The following RNF216 variants were observed in gnomAD, a reference collection of about 807,000 sequenced individuals.
The protein encoded by RNF216 is E3 ubiquitin-protein ligase RNF216.
RNF216 carries 72 observed loss-of-function variants against 110.8 expected under a neutral mutation model. That is an observed-to-expected ratio of 0.65 (90% CI 0.54 to 0.79). The LOEUF (loss-of-function observed/expected upper bound fraction) is 0.79, where lower values mean the gene tolerates loss of function less well. Ranked by LOEUF, RNF216 falls within the 30% of genes least tolerant of loss-of-function variation. RNF216 has a pLI of 0.00. For synonymous variants in RNF216, 495 were observed against 407.5 expected (o/e 1.21, Z -2.59); for missense variants, 1,342 against 1,141.2 (o/e 1.18, Z -2.54).
intron 13 of RNF216, among the ~76,000 whole-genome samples, chr7:5,691,600 C>T (rs955899109): frequency 1.3e-5 from 2 of 152,114 alleles, no homozygotes; most frequent in Admixed American, 1.3e-4. Flanking sequence ...CTTTAAAATG[C>T]CCAGCTTCTC....
At chr7:5,739,648 C>T (rs1386168373) in intron 4 of RNF216, 2 of 505,018 alleles carry the variant, frequency 4.0e-6, no homozygotes, top group Admixed American at 4.5e-5. Flanking sequence ...AATCCAAACA[C>T]AAATAAGTTA....
At chr7:5,648,849 A>G (rs1470067581) in intron 14 of RNF216, among the ~76,000 whole-genome samples, 2 of 152,340 alleles carry the variant, frequency 1.3e-5, no homozygotes, top group East Asian at 3.9e-4. Context: ...AAATGCAATG[A>G]ATCTCATTTG....
chr7:5,776,282 T>C (rs758302192), intron 1 of RNF216, among the ~76,000 whole-genome samples: 1 of 151,892 alleles, frequency 6.6e-6, no homozygotes, highest in Non-Finnish European at 1.5e-5. Context: ...ATAAAGTCAC[T>C]AGTGTAATAA....
chr7:5,709,877 C>A (rs941501075), intron 13 of RNF216, among the ~76,000 whole-genome samples: 6 of 152,202 alleles, frequency 3.9e-5, no homozygotes, highest in African/African-American at 1.4e-4. Context: ...GCCTCAGTCT[C>A]TTAAGTAGCT....
intron 3 of RNF216, among the ~76,000 whole-genome samples, chr7:5,746,286 C>A (rs1795024957): frequency 6.6e-6 from 1 of 152,258 alleles, no homozygotes; most frequent in South Asian, 2.1e-4. Flanking sequence ...TATGGCAGGG[C>A]ACAGGACTTT....
intron 8 of RNF216, among the ~76,000 whole-genome samples, chr7:5,723,444 G>A (rs1235982905): frequency 4.0e-5 from 6 of 151,856 alleles, no homozygotes; most frequent in African/African-American, 1.5e-4. Context: ...TCAGGAGATC[G>A]AGACCATCCT....
chr7:5,751,024 T>G (rs1169905479), intron 3 of RNF216, among the ~76,000 whole-genome samples: 2 of 152,252 alleles, frequency 1.3e-5, no homozygotes, highest in African/African-American at 4.8e-5. Context: ...TTGGTTTTAG[T>G]TGGGGCCCTA....
chr7:5,774,407 C>A (rs1363590461), intron 1 of RNF216, among the ~76,000 whole-genome samples: 5 of 152,004 alleles, frequency 3.3e-5, no homozygotes, highest in Admixed American at 2.6e-4. Flanking sequence ...CCATTGCACT[C>A]CAGCATAGGC....
At chr7:5,734,014 T>C (rs1794244808) in intron 5 of RNF216, among the ~76,000 whole-genome samples, 3 of 152,158 alleles carry the variant, frequency 2.0e-5, no homozygotes, top group African/African-American at 4.8e-5. Flanking sequence ...GTTATTATCA[T>C]GCCACTTAGA....
intron 5 of RNF216, among the ~76,000 whole-genome samples, chr7:5,735,438 G>T (rs1174190811): frequency 1.3e-5 from 2 of 151,884 alleles, no homozygotes; most frequent in South Asian, 4.1e-4. Context: ...ATTGGTTAAA[G>T]AAATTAAAAA....
intron 13 of RNF216, among the ~76,000 whole-genome samples, chr7:5,709,043 G>A (rs1792488025): frequency 6.6e-6 from 1 of 152,106 alleles, no homozygotes; most frequent in South Asian, 2.1e-4. Flanking sequence ...AGACAGGAAC[G>A]AGAGTCTTGG....
chr7:5,712,885 AAG>A, intron 11 of RNF216, 22 bp from the exon 12 acceptor site: 1 of 1,592,054 alleles, frequency 6.3e-7, no homozygotes, highest in South Asian at 1.1e-5. Context: ...CGAAAAGGCA[AAG>A]AAAAAAAAAT....
intron 3 of RNF216, among the ~76,000 whole-genome samples, chr7:5,743,092 C>T (rs974393881): frequency 2.0e-5 from 3 of 152,002 alleles, no homozygotes; most frequent in Admixed American, 6.5e-5. Flanking sequence ...GAAAATCCGT[C>T]TCTACTAAAA....
At chr7:5,759,375 G>A (rs1490593818) in intron 2 of RNF216, among the ~76,000 whole-genome samples, 1 of 152,044 alleles carries the variant, frequency 6.6e-6, no homozygotes, top group Admixed American at 6.6e-5. Flanking sequence ...CTCCTCTTCA[G>A]CCTACTCAAT....
intron 2 of RNF216, among the ~76,000 whole-genome samples, chr7:5,758,371 A>G (rs1193837469): frequency 6.6e-6 from 1 of 152,234 alleles, no homozygotes; most frequent in Non-Finnish European, 1.5e-5. Flanking sequence ...GCATAGCTTG[A>G]GCAATTTTAT....
At chr7:5,666,369 G>GGCCT (rs1362812857) in intron 13 of RNF216, among the ~76,000 whole-genome samples, 6 of 152,120 alleles carry the variant, frequency 3.9e-5, no homozygotes, top group Non-Finnish European at 8.8e-5. Flanking sequence ...GGTCAGGGAA[G>GGCCT]GCCTCTCTGC....
rs569284174 is a variant in RNF216 at position 5,670,758 on chromosome 7, G to C, written c.2062-18248C>G. On this transcript the variant is annotated intron_variant, in intron 13 of 16. Transcript: ENST00000389902. Reference sequence around the variant, plus strand: ...ATGTGACTTCCCTCTCATCTTTGTTGAGTTGTGTTTTCAGCCTTAATCCAT... The same window carrying C: ...ATGTGACTTCCCTCTCATCTTTGTTCAGTTGTGTTTTCAGCCTTAATCCAT... Among the ~76,000 whole-genome samples the C allele has an allele frequency of 1.2e-3, 176 of 152,242 alleles. 1 individual carries two copies. Among genetic ancestry groups the C allele is most frequent in the Non-Finnish European group, 2.5e-3 (168 of 68,020 alleles).
rs747773226 is a variant in RNF216, at chr7:5,725,366, G to C, written c.1462C>G (p.Gln488Glu). Residue 488 changes from glutamine (Q) to glutamate (E), a missense_variant, in exon 8 of 17, where the codon CAA (glutamine) becomes GAA (glutamate). Physicochemically the swap from Gln to Glu is conservative, Grantham distance 29 (BLOSUM62 2). Coordinates refer to ENST00000389902, the MANE Select transcript of RNF216 (RefSeq NM_207111.4). ...ETSGKRKKRK[Q>E]MNQYSYIDFK... ...TCAATGTAAGAATACTGGTTCATTT[G>C]TTTTCTCTTCTTCCTTTTTCCACTG... is the stretch of plus-strand genomic sequence containing the variant. 3.1e-6 allele frequency: 5 copies of C among 1,613,566 alleles called. No individual in the cohort carries two copies. The highest frequency in any genetic ancestry group is 3.3e-5 in the Admixed American group (2 of 59,996).
intron 2 of RNF216, among the ~76,000 whole-genome samples, chr7:5,758,550 G>A (rs1174955929): frequency 1.3e-5 from 2 of 152,196 alleles, no homozygotes; most frequent in Admixed American, 1.3e-4. Context: ...AGACTTTCAG[G>A]AGCCTATCCC....
Sources: allele counts gnomAD v4.1 joint callset (sites outside exome capture counted in the v4.1 genomes callset), GRCh38; gene constraint gnomAD v4.1.1; transcripts MANE v1.5; gene names NCBI Gene and HGNC (gene_info 2026-07-23, HGNC 2026-07-21).